CDH17: variants seen among roughly 807,000 people sequenced by gnomAD.
CDH17 encodes cadherin 17.
Under a neutral mutation model 86.3 loss-of-function variants are expected in CDH17, and 67 were observed. That is an observed-to-expected ratio of 0.78 (90% CI 0.64 to 0.95). The LOEUF (loss-of-function observed/expected upper bound fraction) is 0.95. Among genes scored for constraint, CDH17 ranks in the 40% least tolerant of loss-of-function variants. The probability of loss-of-function intolerance (pLI) is 0.00; values close to 1 mark genes in which losing one functional copy is unlikely to be tolerated. For synonymous variants in CDH17, 367 were observed against 366.4 expected, an observed-to-expected ratio of 1.00 and a Z score of -0.02; for missense variants, 993 against 1,017.6, an observed-to-expected ratio of 0.98 and a Z score of 0.33.
At chr8:94,135,689 T>C (rs1434482556) in intron 15 of CDH17, among the ~76,000 whole-genome samples, 1 of 152,186 alleles carries the variant, frequency 6.6e-6, no homozygotes, top group Non-Finnish European at 1.5e-5. Context: ...AATTTGATCC[T>C]GTCATTATGA....
intron 15 of CDH17, among the ~76,000 whole-genome samples, chr8:94,136,275 T>C (rs1160652737): frequency 6.6e-6 from 1 of 152,242 alleles, no homozygotes; most frequent in Non-Finnish European, 1.5e-5. Flanking sequence ...ATTCTCCCCG[T>C]CACTTTCAGG....
intron 1 of CDH17, among the ~76,000 whole-genome samples, chr8:94,195,256 G>C (rs1813761159): frequency 6.6e-6 from 1 of 152,180 alleles, no homozygotes; most frequent in Non-Finnish European, 1.5e-5. Context: ...GCCTGCGTCG[G>C]CCTCCCAAAG....
intron 1 of CDH17, among the ~76,000 whole-genome samples, chr8:94,207,447 T>G (rs1216255819): frequency 1.3e-5 from 2 of 152,054 alleles, no homozygotes; most frequent in East Asian, 3.9e-4. Context: ...TGCCCACAGG[T>G]TGGAAAATGA....
Position 94,152,013 on chromosome 8 carries a change from C to T in CDH17, c.1651G>A (p.Ala551Thr). ...TCTGTCACAATAAGCGTGAACTTGG[C>T]AAAAGAACTTGCATTGTACTTCACA... ...FGVKYNASSF[A>T]KFTLIVTDVN... Residue 551 changes from alanine (A) to threonine (T), a missense_variant, in exon 13 of 18, where the codon GCC becomes ACC. By Grantham distance (58) the Ala-to-Thr change is moderately conservative. Transcript: ENST00000027335. The T allele has an allele frequency of 6.2e-7, 1 of 1,614,142 alleles. No individual in the cohort carries two copies. Among genetic ancestry groups the T allele is most frequent in the East Asian group, 2.2e-5 (1 of 44,866 alleles).
chr8:94,193,657 G>A (rs2130669182), intron 2 of CDH17, among the ~76,000 whole-genome samples: 1 of 152,304 alleles, frequency 6.6e-6, no homozygotes, highest in African/African-American at 2.4e-5. Flanking sequence ...GGGGTAGCAT[G>A]AGGAGAGAGG....
At chr8:94,158,852 T>G (rs775344551) in intron 12 of CDH17, among the ~76,000 whole-genome samples, 2 of 152,220 alleles carry the variant, frequency 1.3e-5, no homozygotes, top group Non-Finnish European at 2.9e-5. Context: ...CTTTTTTCTC[T>G]GTGCTTCTGT....
intron 1 of CDH17, among the ~76,000 whole-genome samples, chr8:94,215,171 A>G (rs1814174799): frequency 6.6e-6 from 1 of 152,214 alleles, no homozygotes. Flanking sequence ...AAAACATCAC[A>G]CAAAAACTTG....
intron 2 of CDH17, among the ~76,000 whole-genome samples, chr8:94,192,922 C>A (rs1236697633): frequency 6.6e-6 from 1 of 152,218 alleles, no homozygotes; most frequent in African/African-American, 2.4e-5. Context: ...ATTAGTGCTT[C>A]TGTTGAATAA....
chr8:94,157,093 G>A (rs930565494), intron 12 of CDH17, among the ~76,000 whole-genome samples: 1 of 152,274 alleles, frequency 6.6e-6, no homozygotes, highest in East Asian at 1.9e-4. Flanking sequence ...AGAATCAGTG[G>A]GAGAAGCAAG....
At position 94,176,691 on chromosome 8, in the gene CDH17, G is replaced by A. The variant is rs1017131477; in HGVS notation, c.286-12C>T. The stretch of plus-strand genomic sequence containing the variant: ...TCCAGGGCTGCAACCTGATGTTGAG[G>A]AAAAGGAAACCATGTTGGTGAGACT... On this transcript the variant is annotated splice_polypyrimidine_tract_variant and intron_variant, in intron 4 of 17. Transcript: ENST00000027335. The A allele has an allele frequency of 6.2e-7, 1 of 1,606,544 alleles. No homozygotes were observed. Among genetic ancestry groups the A allele is most frequent in the Non-Finnish European group, 8.5e-7 (1 of 1,177,296 alleles).
In CDH17 at chr8:94,200,537, G is replaced by GT. The variant is rs10600702; in HGVS notation, c.-20-5833dup. On this transcript the variant is annotated intron_variant, in intron 1 of 17. Transcript: ENST00000027335. ...CAGAGGGTTATTATTATTATCTTTT[G>GT]TTTTTTTTTTTTTTTTTTTTTTTTT... 8.1e-4 allele frequency among the ~76,000 whole-genome samples: 46 copies of GT among 56,906 alleles called. 1 individual carries two copies. Among genetic ancestry groups the GT allele is most frequent in the Middle Eastern group, 0.012 (1 of 86 alleles). 37.3% of individuals were successfully genotyped at this position (56,906 alleles called of 152,430 possible).
At chr8:94,194,424 A>T (rs754943093) in intron 2 of CDH17, among the ~76,000 whole-genome samples, 1 of 152,234 alleles carries the variant, frequency 6.6e-6, no homozygotes, top group East Asian at 1.9e-4. Context: ...AAGAAAATAC[A>T]TTCCCTAGTC....
Position 94,178,571 on chromosome 8 carries a change from C to CA in CDH17, c.151-851dup, listed in dbSNP as rs35518592. On this transcript the variant is annotated intron_variant, in intron 3 of 17. Coordinates refer to ENST00000027335, the MANE Select transcript of CDH17 (RefSeq NM_004063.4). ...GTAAGATTGAAAACTCCTAAATGGT[C>CA]AAAAAAAAAGGACAGTGAAATTATT... 7.5e-3 allele frequency among the ~76,000 whole-genome samples: 1,113 copies of CA among 147,772 alleles called. 13 individuals carry two copies. Among genetic ancestry groups the CA allele is most frequent in the African/African-American group, 0.026 (1,052 of 40,276 alleles).
chr8:94,154,466 C>T (rs1425914301), intron 12 of CDH17, among the ~76,000 whole-genome samples: 1 of 152,090 alleles, frequency 6.6e-6, no homozygotes, highest in East Asian at 1.9e-4. Context: ...AACTCAAGCC[C>T]CCAAATCAAA....
At chr8:94,159,519 G>A (rs1813008279) in intron 12 of CDH17, among the ~76,000 whole-genome samples, 1 of 152,166 alleles carries the variant, frequency 6.6e-6, no homozygotes, top group Admixed American at 6.5e-5. Context: ...CATTTGCAAA[G>A]GGGGAAGTGA....
At chr8:94,138,137 AT>A (rs1320665901) in intron 15 of CDH17, among the ~76,000 whole-genome samples, 2 of 152,152 alleles carry the variant, frequency 1.3e-5, no homozygotes, top group Non-Finnish European at 2.9e-5. Context: ...CAAAAATTTG[AT>A]TTTGCTACAA....
chr8:94,209,416 C>T (rs1488329229), upstream of CDH17, among the ~76,000 whole-genome samples: 1 of 152,160 alleles, frequency 6.6e-6, no homozygotes, highest in Admixed American at 6.5e-5. Flanking sequence ...TTGGCTTCTC[C>T]TGAGCTGAGG....
intron 12 of CDH17, among the ~76,000 whole-genome samples, chr8:94,158,904 C>T (rs1445752350): frequency 1.3e-5 from 2 of 152,254 alleles, no homozygotes; most frequent in Admixed American, 6.5e-5. Context: ...TCATTTTTAG[C>T]CTCTTTCAGT....
chr8:94,165,762 T>G lies in CDH17; in HGVS notation c.1281A>C (p.Lys427Asn). Reference protein sequence around the residue: ...QYNLTIEVSDKDFKTLCFVQI... With the variant: ...QYNLTIEVSDNDFKTLCFVQI... Reference sequence around the variant, plus strand: ...CAAGACGGTGGATATGATACTAACCTTTGTCAGACACCTCTATCGTTAAGT... The same window carrying G: ...CAAGACGGTGGATATGATACTAACCGTTGTCAGACACCTCTATCGTTAAGT... The change falls in exon 10 of 18, where the codon AAA (lysine) becomes AAC (asparagine). Residue 427 changes from lysine (K) to asparagine (N), a missense_variant and splice_region_variant. By Grantham distance (94) the Lys-to-Asn change is moderately conservative (BLOSUM62 0). Transcript: ENST00000027335. 1.9e-6 allele frequency: 3 copies of G among 1,603,762 alleles called. No individual in the cohort carries two copies. Among genetic ancestry groups the G allele is most frequent in the Non-Finnish European group, 2.6e-6 (3 of 1,170,634 alleles).
Sources: gnomAD v4.1 joint callset for allele counts (sites outside exome capture counted in the v4.1 genomes callset) on GRCh38, gnomAD v4.1.1 for gene constraint, MANE v1.5 for transcripts, NCBI Gene and HGNC (gene_info 2026-07-23, HGNC 2026-07-21) for gene names.